The following KCND2 variants were observed in gnomAD, a reference collection of about 807,000 sequenced individuals.
KCND2 encodes the protein potassium voltage-gated channel subfamily D member 2.
A neutral mutation model predicts 54.4 loss-of-function variants in KCND2; 16 were observed. The ratio of observed to expected loss-of-function variants is 0.29; its 90% confidence interval spans 0.20 to 0.45. The LOEUF is 0.45. Ranked by LOEUF, KCND2 falls within the 20% of genes least tolerant of loss-of-function variation. The probability of loss-of-function intolerance (pLI) is 1.00; values close to 1 mark genes in which losing one functional copy is unlikely to be tolerated. For missense variants in KCND2, 486 were observed against 824.2 expected (o/e 0.59, Z 5.02); for synonymous variants, 317 against 310.7 (o/e 1.02, Z -0.21).
chr7:120,572,901 A>G (rs144138846), intron 1 of KCND2, among the ~76,000 whole-genome samples: 152 of 152,338 alleles, frequency 1.0e-3, no homozygotes, highest in African/African-American at 3.3e-3. Context: ...AACAATTCCA[A>G]ACACACACAT....
intron 1 of KCND2, among the ~76,000 whole-genome samples, chr7:120,476,557 C>A (rs1242538590): frequency 6.6e-6 from 1 of 152,136 alleles, no homozygotes; most frequent in Non-Finnish European, 1.5e-5. Context: ...CCCTCTAAGT[C>A]AATTAAGACA....
chr7:120,315,782 G>A (rs1584726640), intron 1 of KCND2, among the ~76,000 whole-genome samples: 1 of 143,960 alleles, frequency 6.9e-6, no homozygotes, highest in African/African-American at 2.5e-5. Context: ...GTGTGTGTGT[G>A]TGTGTGTGTG....
intron 1 of KCND2, among the ~76,000 whole-genome samples, chr7:120,687,608 G>T (rs969421504): frequency 6.6e-6 from 1 of 152,020 alleles, no homozygotes; most frequent in African/African-American, 2.4e-5. Context: ...ATGAGCCCAG[G>T]AGTCTGAGAC....
At chr7:120,566,071 C>A (rs573774343) in intron 1 of KCND2, among the ~76,000 whole-genome samples, 1 of 152,246 alleles carries the variant, frequency 6.6e-6, no homozygotes, top group East Asian at 1.9e-4. Context: ...GCTTCTGGTA[C>A]CAAAAATGGT....
chr7:120,347,839 G>A (rs1002560175), intron 1 of KCND2, among the ~76,000 whole-genome samples: 1 of 152,106 alleles, frequency 6.6e-6, no homozygotes, highest in African/African-American at 2.4e-5. Flanking sequence ...CGTAGACAGA[G>A]TGGTTTATAA....
intron 1 of KCND2, among the ~76,000 whole-genome samples, chr7:120,701,047 T>C (rs1792394446): frequency 6.6e-6 from 1 of 151,922 alleles, no homozygotes; most frequent in East Asian, 1.9e-4. Context: ...ATGCGGGAGT[T>C]CCAGCTTTTA....
intron 2 of KCND2, among the ~76,000 whole-genome samples, chr7:120,733,603 C>T (rs1792833804): frequency 6.6e-6 from 1 of 152,102 alleles, no homozygotes. Flanking sequence ...CATTGAGTCT[C>T]TATCTATCAA....
intron 1 of KCND2, among the ~76,000 whole-genome samples, chr7:120,658,322 A>G (rs968122685): frequency 6.6e-6 from 1 of 152,204 alleles, no homozygotes. Context: ...GATGAAGACC[A>G]CCATGCAGAA....
intron 1 of KCND2, among the ~76,000 whole-genome samples, chr7:120,283,838 T>C (rs73429960): frequency 0.015 from 2,260 of 152,268 alleles, 59 homozygotes; most frequent in African/African-American, 0.05. Flanking sequence ...GGTGTTTTGT[T>C]AGTTATATAA....
At chr7:120,492,378 A>G (rs1025239332) in intron 1 of KCND2, among the ~76,000 whole-genome samples, 1 of 152,102 alleles carries the variant, frequency 6.6e-6, no homozygotes, top group Non-Finnish European at 1.5e-5. Flanking sequence ...TGTGTATAGT[A>G]CATACATGTA....
intron 1 of KCND2, among the ~76,000 whole-genome samples, chr7:120,626,264 A>C (rs1210030435): frequency 6.6e-6 from 1 of 152,204 alleles, no homozygotes; most frequent in Non-Finnish European, 1.5e-5. Flanking sequence ...AAAAGTATTT[A>C]TTCAAAACCT....
At chr7:120,458,109 G>A (rs1802226973) in intron 1 of KCND2, among the ~76,000 whole-genome samples, 1 of 152,130 alleles carries the variant, frequency 6.6e-6, no homozygotes, top group South Asian at 2.1e-4. Context: ...GAGATGTTTG[G>A]TAAACCAAGC....
chr7:120,336,480 A>G (rs1800154301), intron 1 of KCND2, among the ~76,000 whole-genome samples: 1 of 152,122 alleles, frequency 6.6e-6, no homozygotes, highest in Non-Finnish European at 1.5e-5. Context: ...CAGGTTCCGT[A>G]TATTATAGAG....
intron 1 of KCND2, among the ~76,000 whole-genome samples, chr7:120,584,581 T>A (rs1485687551): frequency 6.6e-6 from 1 of 152,232 alleles, no homozygotes; most frequent in African/African-American, 2.4e-5. Context: ...ATTTAGGAAT[T>A]AGCTACCTGC....
chr7:120,653,033 G>A (rs1791757482), intron 1 of KCND2, among the ~76,000 whole-genome samples: 1 of 151,904 alleles, frequency 6.6e-6, no homozygotes, highest in Non-Finnish European at 1.5e-5. Flanking sequence ...ACAGTGGTGT[G>A]TGTGTGTGTG....
intron 1 of KCND2, among the ~76,000 whole-genome samples, chr7:120,377,825 CTG>C (rs1231551246): frequency 6.6e-6 from 1 of 151,944 alleles, no homozygotes; most frequent in Non-Finnish European, 1.5e-5. Context: ...CAGAAAGCCT[CTG>C]TGTGTCCCTT....
chr7:120,350,641 C>A (rs1043458946), intron 1 of KCND2, among the ~76,000 whole-genome samples: 3 of 152,074 alleles, frequency 2.0e-5, no homozygotes, highest in Non-Finnish European at 4.4e-5. Context: ...TTAAAGATAA[C>A]CCTGTGAATT....
intron 1 of KCND2, chr7:120,463,985 T>C: frequency 1.1e-6 from 1 of 878,562 alleles, no homozygotes; most frequent in Non-Finnish European, 1.4e-6. Context: ...CCTGACTGGC[T>C]ACATTGGATA....
rs77923061 is a variant in KCND2, at chr7:120,714,587, T to C, written c.1116-18316T>C. ...TCTGCTCTTTCTATGTCATATTCTT[T>C]GCTCACATTTAATATTTATGTCATT... On this transcript the variant is annotated intron_variant, in intron 1 of 5. Coordinates refer to ENST00000331113, the MANE Select transcript of KCND2 (RefSeq NM_012281.3). Among the ~76,000 whole-genome samples, 490 of 152,236 alleles carry C rather than the reference T, an allele frequency of 3.2e-3. 3 individuals are homozygous for C. The highest frequency in any genetic ancestry group is 0.011 in the African/African-American group (460 of 41,566).
Sources: allele counts gnomAD v4.1 joint callset (sites outside exome capture counted in the v4.1 genomes callset), GRCh38; gene constraint gnomAD v4.1.1; transcripts MANE v1.5; gene names NCBI Gene and HGNC (gene_info 2026-07-23, HGNC 2026-07-21).